The following TSHR variants were observed in gnomAD, a reference collection of about 807,000 sequenced individuals.
TSHR encodes the protein thyroid stimulating hormone receptor.
In TSHR, 51 loss-of-function variants were observed where a neutral mutation model predicts 64.1. The ratio of observed to expected loss-of-function variants is 0.80; its 90% CI spans 0.64 to 1.01. The LOEUF (loss-of-function observed/expected upper bound fraction) is 1.01, where lower values mean the gene tolerates loss of function less well. Ranked by LOEUF, TSHR falls within the 50% of genes least tolerant of loss-of-function variation. The probability of loss-of-function intolerance (pLI) is 0.00; values close to 1 mark genes in which losing one functional copy is unlikely to be tolerated. For missense variants in TSHR, 877 were observed against 942.8 expected, an observed-to-expected ratio of 0.93 and a Z score of 0.91; for synonymous variants, 361 against 361.9, an observed-to-expected ratio of 1.00 and a Z score of 0.03.
At chr14:80,997,147 T>C (rs1889064982) in intron 1 of TSHR, among the ~76,000 whole-genome samples, 1 of 152,146 alleles carries the variant, frequency 6.6e-6, no homozygotes, top group African/African-American at 2.4e-5. Flanking sequence ...CTTAAAGAAG[T>C]TGAAGAACTC....
At chr14:81,096,275 G>A (rs1234251642) in intron 6 of TSHR, among the ~76,000 whole-genome samples, 1 of 152,116 alleles carries the variant, frequency 6.6e-6, no homozygotes, top group East Asian at 1.9e-4. Context: ...TTAAGAGACT[G>A]CAGCTGCTCC....
At chr14:80,963,754 A>G (rs1305914899) in intron 1 of TSHR, among the ~76,000 whole-genome samples, 4 of 152,096 alleles carry the variant, frequency 2.6e-5, no homozygotes, top group East Asian at 1.9e-4. Flanking sequence ...CTTAAGACCT[A>G]CTTTAGAGGA....
chr14:81,025,932 G>A (rs757090355), intron 1 of TSHR, among the ~76,000 whole-genome samples: 3 of 152,174 alleles, frequency 2.0e-5, no homozygotes, highest in Non-Finnish European at 4.4e-5. Context: ...GGACCTCAAA[G>A]GATGACAGTG....
chr14:81,008,179 T>C (rs1210062110), intron 1 of TSHR, among the ~76,000 whole-genome samples: 4 of 150,766 alleles, frequency 2.7e-5, no homozygotes, highest in East Asian at 1.9e-4. Context: ...TTCTTTCTTT[T>C]TTTTTTTTTT....
chr14:81,089,854 T>C (rs1888588525), intron 4 of TSHR, among the ~76,000 whole-genome samples: 1 of 152,156 alleles, frequency 6.6e-6, no homozygotes, highest in African/African-American at 2.4e-5. Context: ...ATCTGGAATG[T>C]CCCTCCCATT....
rs560123030 is a variant in TSHR, at chr14:81,008,397, C to T, written c.170+52547C>T. Among the ~76,000 whole-genome samples, 589 of 152,226 alleles carry T rather than the reference C, an allele frequency of 3.9e-3. 3 individuals are homozygous for T. Among genetic ancestry groups the T allele is most frequent in the African/African-American group, 0.013 (552 of 41,512 alleles). On this transcript the variant is annotated intron_variant, in intron 1 of 9. Coordinates refer to ENST00000298171, the MANE Select transcript of TSHR (RefSeq NM_000369.5). ...CCTTGTTAGCCAGGATGGTCTCCAT[C>T]TCCTGACTTCATGATCTGCCCACCT... is the stretch of plus-strand genomic sequence containing the variant.
chr14:81,129,905 C>A (rs1253586212), intron 8 of TSHR, among the ~76,000 whole-genome samples: 1 of 152,190 alleles, frequency 6.6e-6, no homozygotes, highest in Non-Finnish European at 1.5e-5. Flanking sequence ...GTATTCCCCT[C>A]CCTACTAAGT....
At chr14:80,968,707 C>G (rs1415557977) in intron 1 of TSHR, among the ~76,000 whole-genome samples, 1 of 152,218 alleles carries the variant, frequency 6.6e-6, no homozygotes, top group African/African-American at 2.4e-5. Flanking sequence ...TCACCATTAT[C>G]TGTGGGCTCA....
At chr14:81,047,704 C>T (rs1362157943) in intron 1 of TSHR, among the ~76,000 whole-genome samples, 1 of 150,986 alleles carries the variant, frequency 6.6e-6, no homozygotes, top group Non-Finnish European at 1.5e-5. Context: ...CTCTGTCGCC[C>T]AGGCTGGAGT....
chr14:81,084,444 G>C (rs1888136158), intron 3 of TSHR, among the ~76,000 whole-genome samples: 2 of 152,010 alleles, frequency 1.3e-5, no homozygotes, highest in African/African-American at 4.8e-5. Flanking sequence ...TATGAACAGA[G>C]TACTCTATAT....
intron 8 of TSHR, chr14:81,108,985 C>T (rs1286243425): frequency 2.3e-6 from 3 of 1,283,474 alleles, no homozygotes; most frequent in South Asian, 3.3e-5. Context: ...TACACCCCCA[C>T]ATCCAATCAG....
chr14:81,102,520 G>T (rs1889654620), intron 7 of TSHR, among the ~76,000 whole-genome samples: 1 of 152,160 alleles, frequency 6.6e-6, no homozygotes, highest in South Asian at 2.1e-4. Context: ...TTTGTGTCTT[G>T]GTTTCTAAAA....
rs1483915763 is a variant in TSHR at position 81,108,899 on chromosome 14, A to T, written c.692+447A>T. The T allele has an allele frequency of 4.9e-6, 7 of 1,425,902 alleles. No individual in the cohort carries two copies. The East Asian group carries it at 1.8e-4, about 36-fold the overall frequency. 88.3% of individuals were successfully genotyped at this position (1,425,902 alleles called of 1,614,324 possible). On this transcript the variant is annotated intron_variant, in intron 8 of 9. Coordinates refer to ENST00000298171, the MANE Select transcript of TSHR (RefSeq NM_000369.5). ...TCGACTCGTCTGTGGAAGAACTTAC[A>T]ATCATGGGGAAAGATGGAATAAAAA...
At position 81,139,872 on chromosome 14, in the gene TSHR, G is replaced by C; in HGVS notation, c.881+5G>C. On this transcript the variant is annotated splice_donor_5th_base_variant and intron_variant, in intron 9 of 9. Coordinates refer to ENST00000298171, the MANE Select transcript of TSHR (RefSeq NM_000369.5). ...GAATCAGAAGAAAATCAGAGGGTAA[G>C]TGGCAGGGACCCGGCATAAGTGACA... 1.2e-6 allele frequency: 2 copies of C among 1,614,202 alleles called. No homozygotes were observed. The highest frequency in any genetic ancestry group is 1.7e-6 in the Non-Finnish European group (2 of 1,180,028).
intron 1 of TSHR, among the ~76,000 whole-genome samples, chr14:81,048,637 A>T (rs1314925879): frequency 6.6e-6 from 1 of 152,246 alleles, no homozygotes; most frequent in African/African-American, 2.4e-5. Context: ...ATGAATAAAT[A>T]CAAGTTATTA....
chr14:81,041,502 A>C (rs935960049), intron 1 of TSHR, among the ~76,000 whole-genome samples: 7 of 152,070 alleles, frequency 4.6e-5, no homozygotes, highest in African/African-American at 1.2e-4. Flanking sequence ...GGAACAAAAC[A>C]CACTGGGGCC....
intron 8 of TSHR, among the ~76,000 whole-genome samples, chr14:81,115,881 T>C (rs1188599247): frequency 6.6e-6 from 1 of 151,474 alleles, no homozygotes; most frequent in African/African-American, 2.4e-5. Context: ...ATATTCAACA[T>C]TCTTCAAGAA....
chr14:80,998,510 T>G (rs2284729), intron 1 of TSHR, among the ~76,000 whole-genome samples: 18,268 of 151,700 alleles, frequency 0.12, 1,402 homozygotes, highest in East Asian at 0.38. Context: ...ATCTTGAAAT[T>G]ATTACTTATA....
chr14:81,140,834 T>A (rs1891652795), intron 9 of TSHR, among the ~76,000 whole-genome samples: 1 of 152,176 alleles, frequency 6.6e-6, no homozygotes, highest in African/African-American at 2.4e-5. Flanking sequence ...AAGGCCAATA[T>A]GGTGGCCGGG....
Sources: gnomAD v4.1 joint callset for allele counts (sites outside exome capture counted in the v4.1 genomes callset) on GRCh38, gnomAD v4.1.1 for gene constraint, MANE v1.5 for transcripts, NCBI Gene and HGNC (gene_info 2026-07-23, HGNC 2026-07-21) for gene names.